The following GNAS-AS1 variants were observed in gnomAD, a reference collection of about 807,000 sequenced individuals.
GNAS-AS1 encodes GNAS antisense RNA 1 (non-protein coding).
At chr20:58,839,050 C>G (rs2085640197) in intron 4 of GNAS-AS1, 1 of 398,372 alleles carries the variant, frequency 2.5e-6, no homozygotes, top group African/African-American at 2.1e-5. Flanking sequence ...GGAAAGACTT[C>G]CCTTTACCCA....
chr20:58,820,006 C>T (rs1018803462), intron 4 of GNAS-AS1, among the ~76,000 whole-genome samples: 20 of 152,356 alleles, frequency 1.3e-4, no homozygotes, highest in Non-Finnish European at 2.6e-4. Context: ...ACTGCCTCTG[C>T]GGCCGTGCCA....
At chr20:58,839,220 G>A (rs1344238728) in intron 4 of GNAS-AS1, 1 of 398,562 alleles carries the variant, frequency 2.5e-6, no homozygotes, top group East Asian at 3.6e-5. Context: ...GTTTGAGCAC[G>A]TATTGTTTGG....
chr20:58,841,592 C>T lies in GNAS-AS1; in HGVS notation n.819+345G>A. 1 of 1,019,400 alleles carries T rather than the reference C, an allele frequency of 9.8e-7. No individual in the cohort carries two copies. The highest frequency in any genetic ancestry group is 8.7e-5 in the East Asian group (1 of 11,466). The allele number at this position is 1,019,400 out of a possible 1,614,324, so 63.1% of individuals were successfully genotyped here. On this transcript the variant is annotated intron_variant and non_coding_transcript_variant, in intron 4 of 4. Transcript: ENST00000424094. The surrounding 1 kb of genome is among the most constrained non-coding windows in gnomAD (Gnocchi z 5.0). ...CCGTCGCTCGCGGGACAGAGACCGC[C>T]TCAAAGAGCGTGCGCACCTGCCCGC...
chr20:58,830,160 CACT>C (rs367648965), intron 4 of GNAS-AS1, among the ~76,000 whole-genome samples: 298 of 150,040 alleles, frequency 2.0e-3, no homozygotes, highest in African/African-American at 6.9e-3. Flanking sequence ...CCACCACCAC[CACT>C]GCTATACCAC....
intron 4 of GNAS-AS1, among the ~76,000 whole-genome samples, chr20:58,830,467 CACCACCAT>C (rs2085555278): frequency 1.7e-5 from 2 of 118,094 alleles, no homozygotes; most frequent in East Asian, 2.7e-4. Flanking sequence ...ACCACCACCA[CACCACCAT>C]CATCACCATC....
At chr20:58,820,314 G>A (rs972887053) in intron 4 of GNAS-AS1, among the ~76,000 whole-genome samples, 7 of 152,224 alleles carry the variant, frequency 4.6e-5, no homozygotes, top group East Asian at 1.9e-4. Flanking sequence ...CTGCCAAGAC[G>A]AGGCTGAGCC....
rs2085663119 is a variant in GNAS-AS1 at position 58,840,186 on chromosome 20, G to A, written n.819+1751C>T. 3 of 1,611,214 alleles carry A rather than the reference G, an allele frequency of 1.9e-6. No homozygotes were observed. The highest frequency in any genetic ancestry group is 3.3e-5 in the Admixed American group (2 of 59,992). ...GACCTGTGCCCGCCCATAGGCCGCC[G>A]GGCAGCCACCGCGCTCCTCTGGCTC... is the stretch of plus-strand genomic sequence containing the variant. On this transcript the variant is annotated intron_variant and non_coding_transcript_variant, in intron 4 of 4. Transcript: ENST00000424094. The surrounding 1 kb of genome is among the most constrained non-coding windows in gnomAD (Gnocchi z 6.0).
intron 4 of GNAS-AS1, among the ~76,000 whole-genome samples, chr20:58,831,304 T>A (rs2085567296): frequency 6.6e-6 from 1 of 151,940 alleles, no homozygotes; most frequent in Non-Finnish European, 1.5e-5. Flanking sequence ...GGCACTCACA[T>A]CGGGTTGCCA....
chr20:58,822,018 G>C (rs1475973002), intron 4 of GNAS-AS1, among the ~76,000 whole-genome samples: 3 of 152,178 alleles, frequency 2.0e-5, no homozygotes, highest in Admixed American at 6.5e-5. Context: ...GGGAGGCCGA[G>C]GGATGCACAG....
chr20:58,841,382 G>C lies in GNAS-AS1; in HGVS notation n.819+555C>G. 1 of 1,016,134 alleles carries C rather than the reference G, an allele frequency of 9.8e-7. No homozygotes were observed. Among genetic ancestry groups the C allele is most frequent in the Non-Finnish European group, 1.2e-6 (1 of 848,424 alleles). 62.9% of individuals were successfully genotyped at this position (1,016,134 alleles called of 1,614,324 possible). On this transcript the variant is annotated intron_variant and non_coding_transcript_variant, in intron 4 of 4. Transcript: ENST00000424094. This position sits in a 1 kb window ranked among gnomAD's most constrained non-coding sequence, Gnocchi z 5.0. The stretch of plus-strand genomic sequence containing the variant: ...GAGACACCGTTGAAATGTGCGGAAA[G>C]TAATCTGAATGGGAATGGGCGAGAA...
intron 4 of GNAS-AS1, among the ~76,000 whole-genome samples, chr20:58,828,029 G>T (rs1246068185): frequency 1.3e-5 from 2 of 152,200 alleles, no homozygotes; most frequent in African/African-American, 4.8e-5. Context: ...AGGATCTCGA[G>T]AAAAATGAAC....
intron 4 of GNAS-AS1, among the ~76,000 whole-genome samples, chr20:58,832,502 A>G (rs1195404518): frequency 6.6e-6 from 1 of 152,246 alleles, no homozygotes; most frequent in Non-Finnish European, 1.5e-5. Flanking sequence ...ACATCAGAGA[A>G]TGCTGAGATA....
intron 4 of GNAS-AS1, chr20:58,823,918 A>G (rs1270865630): frequency 6.0e-5 from 24 of 397,978 alleles, no homozygotes; most frequent in Non-Finnish European, 1.0e-4. Context: ...TTCTTCTCTC[A>G]TCATCGATAC....
At chr20:58,848,875 T>C in intron 2 of GNAS-AS1, 1 of 398,552 alleles carries the variant, frequency 2.5e-6, no homozygotes, top group Non-Finnish European at 4.4e-6. Flanking sequence ...TTAGCTCCAC[T>C]CACCTAAAGG....
chr20:58,841,202 T>A lies in GNAS-AS1; in HGVS notation n.819+735A>T. ...CCCGAACGCACCCCAGATTTGGAGC[T>A]GCACACCCAAACGGCATTGGTAAGT... On this transcript the variant is annotated intron_variant and non_coding_transcript_variant, in intron 4 of 4. Coordinates refer to ENST00000424094, the Ensembl canonical transcript of GNAS-AS1. The surrounding 1 kb of genome is among the most constrained non-coding windows in gnomAD (Gnocchi z 5.0). 1.7e-6 allele frequency: 1 copy of A among 593,330 alleles called. No individual in the cohort carries two copies. The highest frequency in any genetic ancestry group is 2.4e-6 in the Non-Finnish European group (1 of 408,756). The allele number at this position is 593,330 out of a possible 1,614,324, so 36.8% of individuals were successfully genotyped here.
Position 58,840,679 on chromosome 20 carries a change from G to C in GNAS-AS1, n.819+1258C>G. The C allele has an allele frequency of 6.2e-7, 1 of 1,604,898 alleles. No individual in the cohort carries two copies. Among genetic ancestry groups the C allele is most frequent in the Non-Finnish European group, 8.5e-7 (1 of 1,179,546 alleles). ...AGGAGCCCCAGAGCCCCAGGGAAGGGGAGGAGCTCAAGCCCGAGGACAAAG... is the reference window on the plus strand; with the variant it reads ...AGGAGCCCCAGAGCCCCAGGGAAGGCGAGGAGCTCAAGCCCGAGGACAAAG... On this transcript the variant is annotated intron_variant and non_coding_transcript_variant, in intron 4 of 4. Transcript: ENST00000424094. This position sits in a 1 kb window ranked among gnomAD's most constrained non-coding sequence, Gnocchi z 6.0.
chr20:58,841,653 T>G lies in GNAS-AS1; in HGVS notation n.819+284A>C. 58 of 1,096,868 alleles carry G rather than the reference T, an allele frequency of 5.3e-5. No homozygotes were observed. Among genetic ancestry groups the G allele is most frequent in the East Asian group, 1.6e-4 (3 of 19,170 alleles). 67.9% of individuals were successfully genotyped at this position (1,096,868 alleles called of 1,614,324 possible). A position where few individuals can be genotyped will look rare whatever the true frequency, so the allele number is the denominator to read the frequency against. On this transcript the variant is annotated intron_variant and non_coding_transcript_variant, in intron 4 of 4. Transcript: ENST00000424094. This position sits in a 1 kb window ranked among gnomAD's most constrained non-coding sequence, Gnocchi z 5.0. ...GCTGACCTCTCCCGGCGGCGGGCGG[T>G]TAGGGGAAAGTACCTGGGGGAAAGG...
At chr20:58,826,542 C>T (rs1360197874) in intron 4 of GNAS-AS1, among the ~76,000 whole-genome samples, 1 of 152,130 alleles carries the variant, frequency 6.6e-6, no homozygotes, top group Non-Finnish European at 1.5e-5. Flanking sequence ...TGTGGCCATT[C>T]CCGGCTTAAA....
chr20:58,830,425 G>A (rs866112348), intron 4 of GNAS-AS1, among the ~76,000 whole-genome samples: 1,019 of 50,084 alleles, frequency 0.02, 10 homozygotes, highest in South Asian at 0.037. Flanking sequence ...CACCACCACC[G>A]CCACACCACC....
Sources: gnomAD v4.1 joint callset for allele counts (sites outside exome capture counted in the v4.1 genomes callset) on GRCh38, gnomAD v4.1.1 for gene constraint, Gnocchi (gnomAD v3.1) non-coding constraint, MANE v1.5 for transcripts, NCBI Gene and HGNC (gene_info 2026-07-23, HGNC 2026-07-21) for gene names.